The following CARMIL1 variants were observed in gnomAD, a reference collection of about 807,000 sequenced individuals.
CARMIL1 encodes the protein capping protein regulator and myosin 1 linker 1, also known as F-actin-uncapping protein LRRC16A.
CARMIL1 carries 90 observed loss-of-function variants against 177.1 expected under a neutral mutation model. The observed-to-expected ratio is 0.51, with a 90% CI of 0.43 to 0.61. The LOEUF (loss-of-function observed/expected upper bound fraction) is 0.61. Among genes scored for constraint, CARMIL1 ranks in the 20% least tolerant of loss-of-function variants. CARMIL1 has a pLI of 0.00. For synonymous variants in CARMIL1, 577 were observed against 606.2 expected (o/e 0.95, Z 0.71); for missense variants, 1,380 against 1,667.0 (o/e 0.83, Z 3.00).
chr6:25,463,967 C>T (rs1268633826), intron 8 of CARMIL1, among the ~76,000 whole-genome samples: 1 of 150,812 alleles, frequency 6.6e-6, no homozygotes, highest in Admixed American at 6.6e-5. Flanking sequence ...GGACTACAGG[C>T]GCCCGCCACT....
At chr6:25,435,651 C>A (rs751500962) in intron 5 of CARMIL1, 47 bp downstream of exon 5, 2 of 1,520,846 alleles carry the variant, frequency 1.3e-6, no homozygotes, top group East Asian at 2.4e-5. Context: ...CCTGTTCTTC[C>A]TCAAAACGGC....
intron 26 of CARMIL1, among the ~76,000 whole-genome samples, chr6:25,545,861 A>C (rs1420007788): frequency 6.6e-6 from 1 of 152,242 alleles, no homozygotes; most frequent in Non-Finnish European, 1.5e-5. Context: ...ACAGTAATGT[A>C]AATAGTAACA....
chr6:25,388,032 G>A (rs1423044853), intron 2 of CARMIL1: 1 of 152,214 alleles, frequency 6.6e-6, no homozygotes, highest in Non-Finnish European at 1.5e-5. Context: ...AGATAGGCAA[G>A]TAGAAGTAAA....
intron 32 of CARMIL1, among the ~76,000 whole-genome samples, chr6:25,598,189 T>C (rs1482149000): frequency 6.6e-6 from 1 of 152,120 alleles, no homozygotes; most frequent in Non-Finnish European, 1.5e-5. Flanking sequence ...TTAAAAATTA[T>C]TTCTTTCATA....
chr6:25,509,533 C>G lies in CARMIL1; in HGVS notation c.1396-123C>G. The G allele has an allele frequency of 1.5e-6, 1 of 676,050 alleles. No individual in the cohort carries two copies. The highest frequency in any genetic ancestry group is 2.9e-5 in the Admixed American group (1 of 34,810). 41.9% of individuals were successfully genotyped at this position (676,050 alleles called of 1,614,324 possible). A position where few individuals can be genotyped will look rare whatever the true frequency, so the allele number is the denominator to read the frequency against. ...TAATAGCTTCTTTGGAGTTGATAAG[C>G]TTTTACTTTTTCTTTGGTACTAAGT... On this transcript the variant is annotated intron_variant, in intron 17 of 36. Coordinates refer to ENST00000329474, the MANE Select transcript of CARMIL1 (RefSeq NM_017640.6). This position sits in a 1 kb window ranked among gnomAD's most constrained non-coding sequence, Gnocchi z 4.1.
At chr6:25,393,306 C>G (rs1793058639) in intron 2 of CARMIL1, 1 of 152,112 alleles carries the variant, frequency 6.6e-6, no homozygotes, top group African/African-American at 2.4e-5. Context: ...CCTGTAATCC[C>G]AGCACTTTGG....
intron 2 of CARMIL1, among the ~76,000 whole-genome samples, chr6:25,394,490 A>G (rs1470412173): frequency 1.3e-5 from 2 of 152,222 alleles, no homozygotes; most frequent in African/African-American, 4.8e-5. Flanking sequence ...AATCTGTAAA[A>G]TCAGTGAAAA....
At chr6:25,396,691 C>T (rs1054406217) in intron 2 of CARMIL1, among the ~76,000 whole-genome samples, 1 of 152,152 alleles carries the variant, frequency 6.6e-6, no homozygotes, top group Admixed American at 6.5e-5. Flanking sequence ...TTCACTAACT[C>T]ATGGTAACTT....
Position 25,279,817 on chromosome 6 carries a change from G to T in CARMIL1, c.22G>T (p.Val8Phe), listed in dbSNP as rs375333900. The T allele has an allele frequency of 1.5e-5, 25 of 1,613,856 alleles. No individual in the cohort carries two copies. The African/African-American group carries it at 3.3e-4, about 22-fold the overall frequency. ...AACCATGACCGAGGAGAGCTCTGAC[G>T]TTCCCAGGGAGTTGATAGGTAAGAT... Reference protein sequence around the residue: MTEESSDVPRELIESIKD... With the variant: MTEESSDFPRELIESIKD... Residue 8 changes from valine to phenylalanine, a missense_variant, in exon 1 of 37, where the codon GTT becomes TTT. Val to Phe is a conservative substitution (Grantham distance 50). Coordinates refer to ENST00000329474, the MANE Select transcript of CARMIL1 (RefSeq NM_017640.6).
chr6:25,609,111 G>A (rs1229994058), intron 35 of CARMIL1, among the ~76,000 whole-genome samples: 2 of 152,080 alleles, frequency 1.3e-5, no homozygotes, highest in Non-Finnish European at 2.9e-5. Context: ...TGAGCCATGG[G>A]TTGGACAAGC....
chr6:25,527,651 T>A (rs995714549), intron 23 of CARMIL1: 7 of 444,258 alleles, frequency 1.6e-5, no homozygotes, highest in African/African-American at 1.2e-4. Context: ...TGTCAAGGCA[T>A]TAATGTGCCA....
At chr6:25,526,858 G>GT (rs372233031) in intron 23 of CARMIL1, among the ~76,000 whole-genome samples, 26 of 152,014 alleles carry the variant, frequency 1.7e-4, no homozygotes, top group African/African-American at 4.8e-4. Context: ...AGCCTATTGG[G>GT]TTTTTTTGTA....
chr6:25,368,077 C>T (rs910374450), intron 2 of CARMIL1, among the ~76,000 whole-genome samples: 6 of 152,190 alleles, frequency 3.9e-5, no homozygotes, highest in East Asian at 1.9e-4. Flanking sequence ...GACCTTTCCA[C>T]GTCAGCTGAA....
chr6:25,547,879 T>C lies in CARMIL1; in HGVS notation c.2329-3031T>C, dbSNP rs184208242. On this transcript the variant is annotated intron_variant, in intron 26 of 36. Coordinates refer to ENST00000329474, the MANE Select transcript of CARMIL1 (RefSeq NM_017640.6). Reference sequence around the variant, plus strand: ...GTATGGCAGCAGGAAAGAGTGCATGTCATCAAATACAGCTTGGAGTGTGAA... The same window carrying C: ...GTATGGCAGCAGGAAAGAGTGCATGCCATCAAATACAGCTTGGAGTGTGAA... Among the ~76,000 whole-genome samples, 34 of 152,176 alleles carry C rather than the reference T, an allele frequency of 2.2e-4. No individual in the cohort carries two copies. The East Asian group carries it at 6.2e-3, about 28-fold the overall frequency.
At chr6:25,477,982 A>C (rs1398261001) in intron 11 of CARMIL1, among the ~76,000 whole-genome samples, 1 of 150,634 alleles carries the variant, frequency 6.6e-6, no homozygotes, top group Non-Finnish European at 1.5e-5. Context: ...CAGTCTCCCA[A>C]GTAGCTGGGA....
At chr6:25,488,098 CATCA>C (rs2150987490) in intron 12 of CARMIL1, among the ~76,000 whole-genome samples, 1 of 152,310 alleles carries the variant, frequency 6.6e-6, no homozygotes, top group South Asian at 2.1e-4. Context: ...CTTGGACATG[CATCA>C]TTTAAACACC....
At chr6:25,462,302 C>T (rs1800196400) in intron 8 of CARMIL1, among the ~76,000 whole-genome samples, 2 of 152,074 alleles carry the variant, frequency 1.3e-5, no homozygotes, top group Admixed American at 1.3e-4. Flanking sequence ...CATCCCACTC[C>T]CTCATCTCTG....
chr6:25,483,721 A>AG (rs1206798971), intron 12 of CARMIL1, among the ~76,000 whole-genome samples: 1 of 152,010 alleles, frequency 6.6e-6, no homozygotes, highest in East Asian at 1.9e-4. Flanking sequence ...ATTAAAAAAA[A>AG]AATCCGAGGT....
chr6:25,351,593 T>G (rs76336490), intron 2 of CARMIL1, among the ~76,000 whole-genome samples: 5,851 of 152,324 alleles, frequency 0.038, 150 homozygotes, highest in South Asian at 0.056. Context: ...TTTAGTTGGA[T>G]GCGAGGTTGC....
Sources: allele counts gnomAD v4.1 joint callset (sites outside exome capture counted in the v4.1 genomes callset), GRCh38; gene constraint gnomAD v4.1.1; non-coding constraint Gnocchi (gnomAD v3.1); transcripts MANE v1.5; gene names NCBI Gene and HGNC (gene_info 2026-07-23, HGNC 2026-07-21).